The following ANO6 variants were observed in gnomAD, a reference collection of about 807,000 sequenced individuals.
ANO6 encodes anoctamin 6.
Under a neutral mutation model 117.5 loss-of-function variants are expected in ANO6, and 106 were observed. The ratio of observed to expected loss-of-function variants is 0.90; its 90% CI spans 0.77 to 1.06. The LOEUF (loss-of-function observed/expected upper bound fraction) is 1.06, where lower values mean the gene tolerates loss of function less well. ANO6 is among the 50% of genes least tolerant of loss of function. ANO6 has a pLI of 0.00. For missense variants in ANO6, 955 were observed against 1,121.1 expected (o/e 0.85, Z 2.12); for synonymous variants, 367 against 385.1 (o/e 0.95, Z 0.55).
intron 3 of ANO6, among the ~76,000 whole-genome samples, chr12:45,344,621 TA>T (rs1196142993): frequency 6.6e-6 from 1 of 152,234 alleles, no homozygotes; most frequent in East Asian, 1.9e-4. Flanking sequence ...GCCCCTCCCC[TA>T]ACATTGGAGA....
At chr12:45,340,334 G>C (rs1242064788) in intron 3 of ANO6, among the ~76,000 whole-genome samples, 1 of 152,088 alleles carries the variant, frequency 6.6e-6, no homozygotes, top group Non-Finnish European at 1.5e-5. Context: ...TCCACCATCA[G>C]TAATAGAATC....
chr12:45,271,635 G>A (rs1044602361), intron 1 of ANO6, among the ~76,000 whole-genome samples: 1 of 151,970 alleles, frequency 6.6e-6, no homozygotes, highest in African/African-American at 2.4e-5. Flanking sequence ...TATTTTTACT[G>A]GAAAAGTATT....
intron 2 of ANO6, among the ~76,000 whole-genome samples, chr12:45,302,315 T>C (rs1939521628): frequency 6.6e-6 from 1 of 152,218 alleles, no homozygotes; most frequent in Non-Finnish European, 1.5e-5. Flanking sequence ...CTTCATATTG[T>C]TCATGTAATT....
At chr12:45,402,965 A>AT (rs1335695838) in intron 13 of ANO6, 107 bp from the exon 14 acceptor site, 26 of 1,071,350 alleles carry the variant, frequency 2.4e-5, no homozygotes, top group Admixed American at 1.4e-4. Flanking sequence ...TGTGAATTGT[A>AT]TTTTTTTAAC....
chr12:45,249,240 T>C (rs1314636595), intron 1 of ANO6, among the ~76,000 whole-genome samples: 1 of 152,192 alleles, frequency 6.6e-6, no homozygotes, highest in Non-Finnish European at 1.5e-5. Flanking sequence ...AATCACAAAA[T>C]GCATGACTGA....
Position 45,429,645 on chromosome 12 carries a change from C to A in ANO6, c.*334C>A. 1 of 1,155,420 alleles carries A rather than the reference C, an allele frequency of 8.7e-7. No individual in the cohort carries two copies. The highest frequency in any genetic ancestry group is 1.1e-6 in the Non-Finnish European group (1 of 931,738). The allele number at this position is 1,155,420 out of a possible 1,614,324, so 71.6% of individuals were successfully genotyped here. ...TCTTTTTTTTCTGTTTGATTATTTT[C>A]ATTTCTGTCTATTCTCAGGCGCATG... On this transcript the variant is annotated 3_prime_UTR_variant, in exon 20 of 20. Coordinates refer to ENST00000320560, the MANE Select transcript of ANO6 (RefSeq NM_001025356.3).
chr12:45,393,881 C>G (rs967498854), intron 12 of ANO6, among the ~76,000 whole-genome samples: 1 of 152,156 alleles, frequency 6.6e-6, no homozygotes, highest in African/African-American at 2.4e-5. Context: ...GTACCAGCCC[C>G]AGCAAAAACA....
At chr12:45,405,318 T>C (rs1393437175) in intron 15 of ANO6, among the ~76,000 whole-genome samples, 2 of 152,224 alleles carry the variant, frequency 1.3e-5, no homozygotes, top group Admixed American at 6.5e-5. Flanking sequence ...TCGGTAACAT[T>C]GGTTTTTAGC....
chr12:45,311,540 G>A (rs1260369851), intron 2 of ANO6, among the ~76,000 whole-genome samples: 8 of 152,004 alleles, frequency 5.3e-5, no homozygotes, highest in Non-Finnish European at 1.0e-4. Context: ...AGAAGATCCC[G>A]ATATTTAGGC....
rs556814084 is a variant in ANO6, at chr12:45,272,385, T to G, written c.71-29629T>G. ...TTTCAGTGTTTTCATCTATGTCCTG[T>G]CATCAAACTTTTATAACTACCCTGC... On this transcript the variant is annotated intron_variant, in intron 1 of 19. Transcript: ENST00000320560. 1.2e-4 allele frequency among the ~76,000 whole-genome samples: 18 copies of G among 152,308 alleles called. No homozygotes were observed. In the South Asian group the frequency reaches 3.7e-3, roughly 32 times the overall value.
At chr12:45,274,611 T>C (rs1592904285) in intron 1 of ANO6, among the ~76,000 whole-genome samples, 1 of 152,034 alleles carries the variant, frequency 6.6e-6, no homozygotes, top group East Asian at 1.9e-4. Flanking sequence ...GTGATCCTTC[T>C]CTTTTACACC....
chr12:45,249,772 T>C (rs1006963040), intron 1 of ANO6, among the ~76,000 whole-genome samples: 1 of 152,254 alleles, frequency 6.6e-6, no homozygotes, highest in African/African-American at 2.4e-5. Flanking sequence ...GCCTGTGACC[T>C]CTAGTTACTT....
At chr12:45,232,753 C>T (rs1242495809) in intron 1 of ANO6, among the ~76,000 whole-genome samples, 1 of 152,158 alleles carries the variant, frequency 6.6e-6, no homozygotes, top group Non-Finnish European at 1.5e-5. Context: ...TTCCAGTGCC[C>T]CTTTGTTCCT....
intron 1 of ANO6, among the ~76,000 whole-genome samples, chr12:45,247,667 C>T (rs1434584763): frequency 2.0e-5 from 3 of 152,190 alleles, no homozygotes; most frequent in Non-Finnish European, 4.4e-5. Flanking sequence ...ATGGTGAGGG[C>T]ACTCTTCCTG....
intron 15 of ANO6, among the ~76,000 whole-genome samples, chr12:45,406,872 G>A (rs891075358): frequency 5.9e-5 from 9 of 152,328 alleles, no homozygotes; most frequent in African/African-American, 2.2e-4. Context: ...TGGAGTTGAA[G>A]AGGAAGTGAG....
intron 3 of ANO6, among the ~76,000 whole-genome samples, chr12:45,343,202 A>G (rs1303128546): frequency 6.6e-6 from 1 of 152,140 alleles, no homozygotes; most frequent in African/African-American, 2.4e-5. Flanking sequence ...AGGCCATTGA[A>G]CAGAGTTACA....
intron 2 of ANO6, among the ~76,000 whole-genome samples, chr12:45,310,626 G>A (rs1317067254): frequency 1.3e-5 from 2 of 152,054 alleles, no homozygotes; most frequent in East Asian, 3.9e-4. Context: ...AATGGTTAAA[G>A]GTCTGGTGAA....
At position 45,350,645 on chromosome 12, in the gene ANO6, C is replaced by T; in HGVS notation, c.748-14C>T. ...GATGATTATGGTGCTTACATGTTCC[C>T]TTCTGCGTCACAGTGCAAATTCCGC... On this transcript the variant is annotated splice_polypyrimidine_tract_variant and intron_variant, in intron 6 of 19. Coordinates refer to ENST00000320560, the MANE Select transcript of ANO6 (RefSeq NM_001025356.3). The T allele has an allele frequency of 6.2e-7, 1 of 1,603,044 alleles. No individual in the cohort carries two copies. Among genetic ancestry groups the T allele is most frequent in the Non-Finnish European group, 8.5e-7 (1 of 1,170,242 alleles).
chr12:45,274,596 T>C (rs1237859116), intron 1 of ANO6, among the ~76,000 whole-genome samples: 1 of 152,064 alleles, frequency 6.6e-6, no homozygotes, highest in African/African-American at 2.4e-5. Flanking sequence ...CATAGAACAG[T>C]CACAGTGATC....
Sources: allele counts gnomAD v4.1 joint callset (sites outside exome capture counted in the v4.1 genomes callset), GRCh38; gene constraint gnomAD v4.1.1; transcripts MANE v1.5; gene names NCBI Gene and HGNC (gene_info 2026-07-23, HGNC 2026-07-21).